The following VPS35L variants were observed in gnomAD, a reference collection of about 807,000 sequenced individuals.
VPS35L encodes VPS35 endosomal protein-sorting factor-like.
Under a neutral mutation model 133.0 loss-of-function variants are expected in VPS35L, and 83 were observed. The observed-to-expected ratio is 0.62, with a 90% CI of 0.52 to 0.75. The LOEUF is 0.75. Ranked by LOEUF, VPS35L falls within the 30% of genes least tolerant of loss-of-function variation. The pLI is 0.00. For synonymous variants in VPS35L, 423 were observed against 449.9 expected, an observed-to-expected ratio of 0.94 and a Z score of 0.76; for missense variants, 1,083 against 1,206.8, an observed-to-expected ratio of 0.90 and a Z score of 1.52.
intron 9 of VPS35L, among the ~76,000 whole-genome samples, chr16:19,605,205 T>C (rs1972503628): frequency 6.6e-6 from 1 of 152,136 alleles, no homozygotes; most frequent in Non-Finnish European, 1.5e-5. Flanking sequence ...CTAGACTCAT[T>C]GGTCTCCTGC....
chr16:19,584,187 T>C (rs933669601), intron 7 of VPS35L, among the ~76,000 whole-genome samples: 1 of 152,236 alleles, frequency 6.6e-6, no homozygotes, highest in Admixed American at 6.5e-5. Context: ...ATTTCTTTGA[T>C]ATACTGATTT....
intron 5 of VPS35L, among the ~76,000 whole-genome samples, chr16:19,576,913 G>T (rs577772349): frequency 6.6e-6 from 1 of 152,024 alleles, no homozygotes; most frequent in Non-Finnish European, 1.5e-5. Flanking sequence ...CACCATGTTG[G>T]CCAGGCTGGT....
At chr16:19,659,823 T>C (rs1974420974) in intron 26 of VPS35L, among the ~76,000 whole-genome samples, 1 of 152,188 alleles carries the variant, frequency 6.6e-6, no homozygotes, top group Non-Finnish European at 1.5e-5. Context: ...ATGTTGCATT[T>C]TATGTGGTAG....
Position 19,594,644 on chromosome 16 carries a change from CAAAAAAAAAAAAA to C in VPS35L, c.724+2785_724+2797del, listed in dbSNP as rs57187565. Among the ~76,000 whole-genome samples the C allele has an allele frequency of 3.8e-4, 12 of 31,494 alleles. No homozygotes were observed. In the East Asian group the frequency reaches 6.2e-3, roughly 16 times the overall value. The allele number at this position is 31,494 out of a possible 152,430, so 20.7% of individuals were successfully genotyped here. On this transcript the variant is annotated intron_variant, in intron 8 of 30. Transcript: ENST00000417362. ...GTGCCACAGAGCTGAGATTTCGTCT[CAAAAAAAAAAAAA>C]AAAAAAAAAAAAAAGAAGAGAAAAA...
At chr16:19,571,605 C>T (rs1261661344) in intron 3 of VPS35L, among the ~76,000 whole-genome samples, 10 of 151,784 alleles carry the variant, frequency 6.6e-5, no homozygotes, top group Non-Finnish European at 1.0e-4. Flanking sequence ...AGTGCAGTGG[C>T]GCGATCTTGG....
intron 14 of VPS35L, among the ~76,000 whole-genome samples, chr16:19,620,464 C>T (rs9926134): frequency 0.02 from 3,082 of 151,964 alleles, 119 homozygotes; most frequent in African/African-American, 0.071. Flanking sequence ...GTGGTGGGTA[C>T]CCAGGACTTC....
chr16:19,563,725 C>T (rs226881), intron 1 of VPS35L, among the ~76,000 whole-genome samples: 15,536 of 152,290 alleles, frequency 0.1, 887 homozygotes, highest in African/African-American at 0.16. Context: ...CTCCTTTCTG[C>T]GTGGCTCCTT....
At chr16:19,617,263 T>A in intron 14 of VPS35L, 1 of 309,126 alleles carries the variant, frequency 3.2e-6, no homozygotes, top group Non-Finnish European at 6.1e-6. Context: ...GAGGCTGAGG[T>A]GGGAGGACCA....
intron 9 of VPS35L, among the ~76,000 whole-genome samples, chr16:19,602,176 C>T (rs1249693415): frequency 6.6e-6 from 1 of 152,110 alleles, no homozygotes; most frequent in African/African-American, 2.4e-5. Context: ...AATTGACTGT[C>T]AATCAAGTTT....
rs142772811 is a variant in VPS35L at position 19,659,296 on chromosome 16, G to C, written c.2221+7206G>C. 3.3e-3 allele frequency among the ~76,000 whole-genome samples: 498 copies of C among 152,308 alleles called. 4 individuals are homozygous for C. The highest frequency in any genetic ancestry group is 0.012 in the African/African-American group (488 of 41,566). On this transcript the variant is annotated intron_variant, in intron 26 of 30. Transcript: ENST00000417362. ...GAGGTAGGAGTTAGGTAACACATGG[G>C]CTGAGCATGCTTGGCTCAGTGAGAG...
At chr16:19,679,628 C>T (rs1975196864) in intron 27 of VPS35L, among the ~76,000 whole-genome samples, 1 of 151,296 alleles carries the variant, frequency 6.6e-6, no homozygotes, top group South Asian at 2.1e-4. Context: ...CCTCAGCCTC[C>T]TGAGTAGCTG....
chr16:19,611,219 C>T (rs1486609954), intron 12 of VPS35L, among the ~76,000 whole-genome samples: 1 of 152,106 alleles, frequency 6.6e-6, no homozygotes, highest in African/African-American at 2.4e-5. Context: ...AGGCTGGTCT[C>T]GAACTCCTGA....
chr16:19,568,335 G>C (rs1206299132), intron 2 of VPS35L, among the ~76,000 whole-genome samples: 3 of 148,754 alleles, frequency 2.0e-5, no homozygotes, highest in African/African-American at 7.5e-5. Flanking sequence ...GGGTCTCACT[G>C]TATCGCCCAG....
rs61003969 is a variant in VPS35L at position 19,611,292 on chromosome 16, G to A, written c.1023+877G>A. 6.0e-3 allele frequency among the ~76,000 whole-genome samples: 913 copies of A among 152,212 alleles called. 13 individuals are homozygous for A. Among genetic ancestry groups the A allele is most frequent in the African/African-American group, 0.02 (842 of 41,528 alleles). Reference sequence around the variant, plus strand: ...TGGGATTACAGGCGTGAGCCACTGCGCCCGGCCAGTATATGGTCTCTCCAT... The same window carrying A: ...TGGGATTACAGGCGTGAGCCACTGCACCCGGCCAGTATATGGTCTCTCCAT... On this transcript the variant is annotated intron_variant, in intron 12 of 30. Coordinates refer to ENST00000417362, the MANE Select transcript of VPS35L (RefSeq NM_020314.7).
intron 28 of VPS35L, among the ~76,000 whole-genome samples, chr16:19,684,312 G>T (rs59417651): frequency 0.014 from 2,135 of 152,224 alleles, 58 homozygotes; most frequent in African/African-American, 0.047. Context: ...TCCAAAAATT[G>T]GTCTTAATGT....
At chr16:19,700,005 G>A (rs1227651544) in intron 30 of VPS35L, among the ~76,000 whole-genome samples, 1 of 152,174 alleles carries the variant, frequency 6.6e-6, no homozygotes, top group Non-Finnish European at 1.5e-5. Context: ...GCTGAAGAGG[G>A]AGGATGGCTT....
rs1567470323 is a variant in VPS35L, at chr16:19,666,896, CTTTCTTTCTTTCTTT to C, written c.2222-2263_2222-2249del. The stretch of plus-strand genomic sequence containing the variant: ...TTTTTCTTTCTTTCTTTCTTTCTTT[CTTTCTTTCTTTCTTT>C]CTTTCTTTCTTTCTTTCTTTCTTCC... On this transcript the variant is annotated intron_variant, in intron 26 of 30. Coordinates refer to ENST00000417362, the MANE Select transcript of VPS35L (RefSeq NM_020314.7). Among the ~76,000 whole-genome samples the C allele has an allele frequency of 5.5e-3, 573 of 104,514 alleles. 3 individuals carry two copies. The highest frequency in any genetic ancestry group is 0.022 in the African/African-American group (510 of 23,150). 68.6% of individuals were successfully genotyped at this position (104,514 alleles called of 152,430 possible). A position where few individuals can be genotyped will look rare whatever the true frequency, so the allele number is the denominator to read the frequency against.
intron 9 of VPS35L, among the ~76,000 whole-genome samples, chr16:19,606,726 A>G (rs569192943): frequency 4.6e-5 from 7 of 152,326 alleles, no homozygotes; most frequent in African/African-American, 7.2e-5. Context: ...ATCATTTGCT[A>G]TATTCTAAAG....
At chr16:19,616,551 C>A (rs1047273828) in intron 13 of VPS35L, 135 bp from the exon 14 acceptor site, 211 of 1,012,106 alleles carry the variant, frequency 2.1e-4, no homozygotes, top group East Asian at 1.0e-3. Context: ...AAAAAAAAAA[C>A]AACCGAGAAA....
Sources: gnomAD v4.1 joint callset for allele counts (sites outside exome capture counted in the v4.1 genomes callset) on GRCh38, gnomAD v4.1.1 for gene constraint, MANE v1.5 for transcripts, NCBI Gene and HGNC (gene_info 2026-07-23, HGNC 2026-07-21) for gene names.